Variants in IGBP1 observed in about 807,000 individuals in gnomAD.
The protein encoded by IGBP1 is immunoglobulin binding protein 1, also known as immunoglobulin-binding protein 1.
In IGBP1, 2 loss-of-function variants were observed where a neutral mutation model predicts 25.9. The ratio of observed to expected loss-of-function variants is 0.08; its 90% confidence interval spans 0.03 to 0.24. The LOEUF (loss-of-function observed/expected upper bound fraction) is 0.24, where lower values mean the gene tolerates loss of function less well. Among genes scored for constraint, IGBP1 ranks in the 10% least tolerant of loss-of-function variants. The probability of loss-of-function intolerance (pLI) is 1.00; values close to 1 mark genes in which losing one functional copy is unlikely to be tolerated. For missense variants in IGBP1, 187 were observed against 260.4 expected (o/e 0.72, Z 1.94); for synonymous variants, 96 against 93.4 (o/e 1.03, Z -0.16).
intron 3 of IGBP1, among the ~76,000 whole-genome samples, chrX:70,137,988 T>C (rs76050608): frequency 1.9e-4 from 19 of 100,902 alleles, no homozygotes; most frequent in Non-Finnish European, 3.8e-4. Context: ...AAAAAAAAAT[T>C]ATCCGGGGGT....
rs759535027 is a variant in IGBP1, at chrX:70,134,142, G to A, written c.188+7G>A. On this transcript the variant is annotated splice_region_variant and intron_variant, in intron 2 of 6. Transcript: ENST00000356413. ...CGCAGCTCGACTTGTTCAGGTATGG[G>A]GGAAGATAGTAATAATGGCTGAGAA... 23 of 1,203,097 alleles carry A rather than the reference G, an allele frequency of 1.9e-5. No homozygotes were observed. In the South Asian group the frequency reaches 3.2e-4, roughly 17 times the overall value.
intron 6 of IGBP1, among the ~76,000 whole-genome samples, chrX:70,152,800 GA>G (rs765514063): frequency 3.5e-3 from 388 of 111,210 alleles, no homozygotes; most frequent in African/African-American, 0.012. Context: ...TATCCAATTT[GA>G]AAAAAAAGAT....
In IGBP1 at chrX:70,166,162, T is replaced by C. The variant is rs1228337416; in HGVS notation, c.*181T>C. On this transcript the variant is annotated 3_prime_UTR_variant, in exon 7 of 7. Transcript: ENST00000356413. ...GTGTGTATTTGTACCCTAGATGATATGAACCAGCAGTCTTGTTTTGGCATC... is the reference window on the plus strand; with the variant it reads ...GTGTGTATTTGTACCCTAGATGATACGAACCAGCAGTCTTGTTTTGGCATC... 2 of 442,659 alleles carry C rather than the reference T, an allele frequency of 4.5e-6. No homozygotes were observed. The highest frequency in any genetic ancestry group is 7.9e-6 in the Non-Finnish European group (2 of 252,782). 36.5% of individuals were successfully genotyped at this position (442,659 alleles called of 1,213,427 possible).
At chrX:70,144,901 A>T (rs2085156545) in intron 3 of IGBP1, among the ~76,000 whole-genome samples, 1 of 107,396 alleles carries the variant, frequency 9.3e-6, no homozygotes. Context: ...CTCATGATGC[A>T]CCCACCTCAG....
chrX:70,141,581 A>G (rs1025740308), intron 3 of IGBP1, among the ~76,000 whole-genome samples: 2 of 111,576 alleles, frequency 1.8e-5, no homozygotes, highest in African/African-American at 6.5e-5. Flanking sequence ...ATGTCGTTGT[A>G]TATAATTGCA....
At chrX:70,145,033 CAAAAA>C (rs779060279) in intron 3 of IGBP1, among the ~76,000 whole-genome samples, 1 of 95,432 alleles carries the variant, frequency 1.0e-5, no homozygotes, top group African/African-American at 3.8e-5. Context: ...ATTTCTCAGC[CAAAAA>C]AAAAAAGAAG....
At chrX:70,160,607 G>A (rs527818963) in intron 6 of IGBP1, among the ~76,000 whole-genome samples, 2 of 112,310 alleles carry the variant, frequency 1.8e-5, no homozygotes, top group Admixed American at 1.9e-4. Flanking sequence ...TAGAGAATGA[G>A]CTTCAGACAG....
chrX:70,137,282 T>C (rs2085100754), intron 3 of IGBP1, among the ~76,000 whole-genome samples: 1 of 110,607 alleles, frequency 9.0e-6, no homozygotes, highest in African/African-American at 3.3e-5. Context: ...TGAAATTTAT[T>C]GAGAAGGGGA....
intron 3 of IGBP1, among the ~76,000 whole-genome samples, chrX:70,142,916 GTT>G (rs772662468): frequency 3.7e-3 from 182 of 49,040 alleles, no homozygotes; most frequent in Middle Eastern, 0.017. Flanking sequence ...TTATCGAGTT[GTT>G]TTTTTTTTTT....
At chrX:70,151,463 A>G (rs1262132998) in intron 6 of IGBP1, among the ~76,000 whole-genome samples, 1 of 111,859 alleles carries the variant, frequency 8.9e-6, no homozygotes. Context: ...GGCATCAGCC[A>G]CCGCGCTCAG....
chrX:70,165,644 A>G (rs1179362772), intron 6 of IGBP1, among the ~76,000 whole-genome samples, 189 bp from the exon 7 acceptor site: 2 of 110,200 alleles, frequency 1.8e-5, no homozygotes, highest in Non-Finnish European at 3.8e-5. Context: ...CTTTCGTACT[A>G]TTTTTTAACA....
At chrX:70,162,867 G>A (rs1271390333) in intron 6 of IGBP1, among the ~76,000 whole-genome samples, 2 of 100,868 alleles carry the variant, frequency 2.0e-5, no homozygotes, top group East Asian at 2.8e-4. Flanking sequence ...CCAGCCACTC[G>A]GGAGGATGAG....
At chrX:70,150,599 G>A (rs754972607) in intron 6 of IGBP1, among the ~76,000 whole-genome samples, 10 of 112,084 alleles carry the variant, frequency 8.9e-5, no homozygotes, top group South Asian at 3.7e-4. Flanking sequence ...TAGCAGTTCC[G>A]CATCTGGTAA....
intron 6 of IGBP1, among the ~76,000 whole-genome samples, chrX:70,157,957 A>T (rs1602675966): frequency 8.9e-6 from 1 of 112,356 alleles, no homozygotes; most frequent in South Asian, 3.7e-4. Flanking sequence ...TTATAATGAA[A>T]ATAGGTGGCA....
intron 3 of IGBP1, among the ~76,000 whole-genome samples, chrX:70,142,817 A>C (rs770227448): frequency 1.1e-3 from 119 of 109,492 alleles, no homozygotes; most frequent in Non-Finnish European, 1.7e-3. Context: ...AGACCAAAAC[A>C]AAAAAAACAC....
chrX:70,155,854 A>C (rs1029154398), intron 6 of IGBP1, among the ~76,000 whole-genome samples: 2 of 111,671 alleles, frequency 1.8e-5, no homozygotes, highest in Non-Finnish European at 3.8e-5. Context: ...TTTCCTACTG[A>C]TAAAGTGGCA....
At chrX:70,148,048 G>A (rs1025081219) in intron 4 of IGBP1, among the ~76,000 whole-genome samples, 2 of 111,814 alleles carry the variant, frequency 1.8e-5, no homozygotes, top group Non-Finnish European at 3.8e-5. Flanking sequence ...CCCTTTCTTT[G>A]TGTGTGAGTT....
chrX:70,153,826 AC>A (rs2085218308), intron 6 of IGBP1, among the ~76,000 whole-genome samples: 1 of 111,408 alleles, frequency 9.0e-6, no homozygotes, highest in African/African-American at 3.3e-5. Context: ...CAGGAGGCTC[AC>A]ATAGGGTTGC....
chrX:70,137,049 C>A (rs1239174262), intron 3 of IGBP1, among the ~76,000 whole-genome samples: 1 of 111,371 alleles, frequency 9.0e-6, no homozygotes, highest in East Asian at 2.8e-4. Flanking sequence ...TGCATTTTAG[C>A]TAGTACACTG....
Sources: allele counts gnomAD v4.1 joint callset (sites outside exome capture counted in the v4.1 genomes callset), GRCh38; gene constraint gnomAD v4.1.1; transcripts MANE v1.5; gene names NCBI Gene and HGNC (gene_info 2026-07-23, HGNC 2026-07-21).